Variants in LMNA observed in about 807,000 individuals in gnomAD.
LMNA encodes the protein lamin A/C, also known as lamin.
In LMNA, 20 loss-of-function variants were observed where a neutral mutation model predicts 70.4. That is an observed-to-expected ratio of 0.28 (90% CI 0.20 to 0.41). The LOEUF (loss-of-function observed/expected upper bound fraction) is 0.41. Ranked by LOEUF, LMNA falls within the 10% of genes least tolerant of loss-of-function variation. The probability of loss-of-function intolerance (pLI) is 1.00; values close to 1 mark genes in which losing one functional copy is unlikely to be tolerated. For missense variants in LMNA, 652 were observed against 917.2 expected (o/e 0.71, Z 3.73); for synonymous variants, 339 against 372.8 (o/e 0.91, Z 1.04).
At position 156,135,009 on chromosome 1, in the gene LMNA, T is replaced by C; in HGVS notation, c.810+34T>C. 1 of 1,613,776 alleles carries C rather than the reference T, an allele frequency of 6.2e-7. No individual in the cohort carries two copies. Among genetic ancestry groups the C allele is most frequent in the Non-Finnish European group, 8.5e-7 (1 of 1,179,828 alleles). The stretch of plus-strand genomic sequence containing the variant: ...TCTCGATTGGTTCCCTCACTGCCTC[T>C]GCCCTTGGCAGCCCTACCCTTACCC... On this transcript the variant is annotated intron_variant, in intron 4 of 11. Transcript: ENST00000368300. The surrounding 1 kb of genome is among the most constrained non-coding windows in gnomAD (Gnocchi z 4.8).
At chr1:156,120,973 T>C (rs538421921) in intron 1 of LMNA, among the ~76,000 whole-genome samples, 2 of 151,760 alleles carry the variant, frequency 1.3e-5, no homozygotes, top group South Asian at 2.1e-4. Flanking sequence ...CCTTTGAGGA[T>C]GCATGGGCCC....
Position 156,135,546 on chromosome 1 carries a change from C to A in LMNA, c.936+234C>A. On this transcript the variant is annotated intron_variant, in intron 5 of 11. Coordinates refer to ENST00000368300, the MANE Select transcript of LMNA (RefSeq NM_170707.4). This position sits in a 1 kb window ranked among gnomAD's most constrained non-coding sequence, Gnocchi z 4.8. ...TTCTCAGGGCTTTGGTTTTCCCATT[C>A]GAAAATGGAGGCTGTTCTTAATCTC... is the stretch of plus-strand genomic sequence containing the variant. The A allele has an allele frequency of 3.2e-6, 2 of 624,906 alleles. No homozygotes were observed. Among genetic ancestry groups the A allele is most frequent in the Non-Finnish European group, 5.6e-6 (2 of 357,846 alleles). The allele number at this position is 624,906 out of a possible 1,614,324, so 38.7% of individuals were successfully genotyped here.
At chr1:156,097,767 A>C (rs1243760394) in intron 3 of LMNA, among the ~76,000 whole-genome samples, 1 of 152,228 alleles carries the variant, frequency 6.6e-6, no homozygotes, top group Non-Finnish European at 1.5e-5. Context: ...ACTGATACGG[A>C]GGAAAGCTGG....
rs143508392 is a variant in LMNA at position 156,102,623 on chromosome 1, T to A, written c.-207+12041T>A. On this transcript the variant is annotated intron_variant, in intron 3 of 12. Coordinates refer to the LMNA transcript ENST00000368301. ...TGCCCTGGCCCACCCAGTGCTCATC[T>A]CCATTTCCAGCCCCTCCTGGGCGCC... Among the ~76,000 whole-genome samples the A allele has an allele frequency of 3.4e-3, 525 of 152,226 alleles. 1 individual carries two copies. Among genetic ancestry groups the A allele is most frequent in the African/African-American group, 0.012 (492 of 41,528 alleles).
At chr1:156,119,560 A>G (rs1395244976) in intron 1 of LMNA, among the ~76,000 whole-genome samples, 1 of 152,140 alleles carries the variant, frequency 6.6e-6, no homozygotes, top group East Asian at 1.9e-4. Flanking sequence ...CGCACCTGGT[A>G]CCCCCTGCCC....
intron 3 of LMNA, among the ~76,000 whole-genome samples, chr1:156,104,866 A>G (rs1026883349): frequency 1.3e-5 from 2 of 152,228 alleles, no homozygotes; most frequent in Non-Finnish European, 2.9e-5. Context: ...CTGCACTCCC[A>G]GGCCAGGAAG....
At chr1:156,121,943 T>A (rs1413903796) in intron 1 of LMNA, among the ~76,000 whole-genome samples, 1 of 151,880 alleles carries the variant, frequency 6.6e-6, no homozygotes, top group Non-Finnish European at 1.5e-5. Flanking sequence ...TCACTTCAGG[T>A]CAGGAGTTAA....
At chr1:156,102,711 G>GA (rs1649186445) in intron 3 of LMNA, among the ~76,000 whole-genome samples, 1 of 152,136 alleles carries the variant, frequency 6.6e-6, no homozygotes, top group Admixed American at 6.5e-5. Flanking sequence ...GTGGGAATGT[G>GA]ACTTGAATTA....
intron 2 of LMNA, among the ~76,000 whole-genome samples, chr1:156,133,652 G>A (rs1225538662): frequency 6.6e-6 from 1 of 152,076 alleles, no homozygotes; most frequent in Non-Finnish European, 1.5e-5. Flanking sequence ...TTTCATGGCA[G>A]ATAAGGGCAT....
intron 1 of LMNA, among the ~76,000 whole-genome samples, chr1:156,121,207 C>T (rs1650165795): frequency 6.6e-6 from 1 of 151,954 alleles, no homozygotes; most frequent in East Asian, 1.9e-4. Flanking sequence ...GTGCCACATG[C>T]TCGGCTAATT....
At chr1:156,086,488 A>C (rs896108116) in intron 2 of LMNA, among the ~76,000 whole-genome samples, 6 of 151,110 alleles carry the variant, frequency 4.0e-5, no homozygotes, top group Non-Finnish European at 8.8e-5. Context: ...GACCCTGTTG[A>C]GTTGTTTAGT....
At chr1:156,128,908 GTTGCCCCAGTTGCTTCACT>G (rs1451869165) in intron 1 of LMNA, among the ~76,000 whole-genome samples, 1 of 152,210 alleles carries the variant, frequency 6.6e-6, no homozygotes, top group African/African-American at 2.4e-5. Context: ...CGGAATCTAA[GTTGCCCCAGTTGCTTCACT>G]TTACCAGCGG....
intron 3 of LMNA, among the ~76,000 whole-genome samples, chr1:156,106,287 T>C (rs1338954825): frequency 1.3e-5 from 2 of 152,240 alleles, no homozygotes; most frequent in Non-Finnish European, 1.5e-5. Flanking sequence ...CCTCACTTCC[T>C]GGAAATGTGT....
At chr1:156,087,216 T>A (rs1648511011) in intron 2 of LMNA, among the ~76,000 whole-genome samples, 1 of 151,930 alleles carries the variant, frequency 6.6e-6, no homozygotes, top group Admixed American at 6.6e-5. Flanking sequence ...CCATGTATAA[T>A]GAGATTTTCC....
In LMNA at chr1:156,115,240, A is replaced by G. The variant is rs771065515; in HGVS notation, c.322A>G (p.Lys108Glu). 4.3e-6 allele frequency: 7 copies of G among 1,612,440 alleles called. No homozygotes were observed. The highest frequency in any genetic ancestry group is 5.1e-6 in the Non-Finnish European group (6 of 1,179,848). ...ERARLQLELS[K>E]VREEFKELKA... Reference sequence around the variant, plus strand: ...CGCCCGCCTGCAGCTGGAGCTGAGCAAAGTGCGTGAGGAGTTTAAGGAGCT... The same window carrying G: ...CGCCCGCCTGCAGCTGGAGCTGAGCGAAGTGCGTGAGGAGTTTAAGGAGCT... The change falls in exon 1 of 12, where the codon AAA becomes GAA. Residue 108 changes from lysine to glutamate, a missense_variant. This residue lies in a region of LMNA where 254 missense variants were observed against 421.9 expected (regional missense o/e 0.60). Transcript: ENST00000368300. This position sits in a 1 kb window ranked among gnomAD's most constrained non-coding sequence, Gnocchi z 5.8.
intron 1 of LMNA, chr1:156,129,898 A>G (rs1343155703): frequency 1.0e-5 from 8 of 768,004 alleles, no homozygotes; most frequent in Middle Eastern, 3.2e-4. Flanking sequence ...TGCTGAGGCT[A>G]TGGTAGATGG....
intron 3 of LMNA, among the ~76,000 whole-genome samples, chr1:156,095,604 G>A (rs865796865): frequency 2.7e-5 from 4 of 150,710 alleles, no homozygotes; most frequent in Non-Finnish European, 5.9e-5. Flanking sequence ...TGATCCACCC[G>A]CCTCGGCCTC....
Position 156,135,181 on chromosome 1 carries a change from C to T in LMNA, c.811-6C>T. On this transcript the variant is annotated splice_polypyrimidine_tract_variant and splice_region_variant and intron_variant, in intron 4 of 11. Transcript: ENST00000368300. This position sits in a 1 kb window ranked among gnomAD's most constrained non-coding sequence, Gnocchi z 4.8. The stretch of plus-strand genomic sequence containing the variant: ...CACAGTCCTAACCCTTTGTCCTCCC[C>T]TCCAGCTGGACAATGCCAGGCAGTC... The T allele has an allele frequency of 6.2e-7, 1 of 1,614,076 alleles. No individual in the cohort carries two copies. Among genetic ancestry groups the T allele is most frequent in the East Asian group, 2.2e-5 (1 of 44,890 alleles).
At position 156,127,091 on chromosome 1, in the gene LMNA, C is replaced by T. The variant is rs941706158; in HGVS notation, c.357-3526C>T. On this transcript the variant is annotated intron_variant, in intron 1 of 11. Coordinates refer to ENST00000368300, the MANE Select transcript of LMNA (RefSeq NM_170707.4). Reference sequence around the variant, plus strand: ...GTGTGCTCAGCTTTCCTGATGCCAACCCCCAGTGGAGTGGGCTGCACCACC... The same window carrying T: ...GTGTGCTCAGCTTTCCTGATGCCAATCCCCAGTGGAGTGGGCTGCACCACC... 3 of 648,324 alleles carry T rather than the reference C, an allele frequency of 4.6e-6. No homozygotes were observed. In the African/African-American group the frequency reaches 5.5e-5, roughly 12 times the overall value. 40.2% of individuals were successfully genotyped at this position (648,324 alleles called of 1,614,324 possible). A position where few individuals can be genotyped will look rare whatever the true frequency, so the allele number is the denominator to read the frequency against.
Sources: gnomAD v4.1 joint callset for allele counts (sites outside exome capture counted in the v4.1 genomes callset) on GRCh38, gnomAD v4.1.1 for gene constraint, gnomAD v4.1.1 regional missense constraint, Gnocchi (gnomAD v3.1) non-coding constraint, MANE v1.5 for transcripts, NCBI Gene and HGNC (gene_info 2026-07-23, HGNC 2026-07-21) for gene names.